VMP1: variants seen among roughly 807,000 people sequenced by gnomAD.
VMP1 encodes ectopic P-granules autophagy protein 3 homolog.
VMP1 carries 11 observed loss-of-function variants against 56.0 expected under a neutral mutation model. That is an observed-to-expected ratio of 0.20 (90% CI 0.12 to 0.32). The LOEUF (loss-of-function observed/expected upper bound fraction) is 0.32, where lower values mean the gene tolerates loss of function less well. Ranked by LOEUF, VMP1 falls within the 10% of genes least tolerant of loss-of-function variation. The probability of loss-of-function intolerance (pLI) is 1.00; values close to 1 mark genes in which losing one functional copy is unlikely to be tolerated. For missense variants in VMP1, 296 were observed against 490.3 expected, an observed-to-expected ratio of 0.60 and a Z score of 3.74; for synonymous variants, 149 against 165.0, an observed-to-expected ratio of 0.90 and a Z score of 0.74.
chr17:59,767,933 A>T (rs778878486), intron 6 of VMP1, among the ~76,000 whole-genome samples: 1 of 151,768 alleles, frequency 6.6e-6, no homozygotes, highest in Non-Finnish European at 1.5e-5. Flanking sequence ...ACATGGTGAA[A>T]CCCCATCTCT....
chr17:59,764,752 C>A (rs928185862), intron 5 of VMP1, among the ~76,000 whole-genome samples: 2 of 152,002 alleles, frequency 1.3e-5, no homozygotes, highest in African/African-American at 4.8e-5. Context: ...GTAAATTTTA[C>A]CTCAATAAAT....
chr17:59,756,733 T>G (rs753230851), intron 5 of VMP1, among the ~76,000 whole-genome samples: 5 of 152,242 alleles, frequency 3.3e-5, no homozygotes, highest in Non-Finnish European at 5.9e-5. Flanking sequence ...GTAGTCTTCA[T>G]CTCGGTTGAT....
chr17:59,769,472 T>G (rs190348827), intron 6 of VMP1, among the ~76,000 whole-genome samples: 1 of 152,196 alleles, frequency 6.6e-6, no homozygotes, highest in Admixed American at 6.5e-5. Context: ...ACAAAATGTT[T>G]TTTCCCTACC....
At chr17:59,819,248 A>G (rs1478513041) in intron 10 of VMP1, among the ~76,000 whole-genome samples, 2 of 152,182 alleles carry the variant, frequency 1.3e-5, no homozygotes, top group Admixed American at 1.3e-4. Flanking sequence ...AAAGTATTTT[A>G]TATGTGACCA....
chr17:59,722,706 T>C (rs888417423), intron 1 of VMP1, among the ~76,000 whole-genome samples: 1 of 152,126 alleles, frequency 6.6e-6, no homozygotes, highest in Non-Finnish European at 1.5e-5. Context: ...TAGCCGGGCA[T>C]GGGGGTACAT....
rs2039172255 is a variant in VMP1, at chr17:59,842,038, C to A, written c.*2127C>A. 1 of 152,178 alleles carries A rather than the reference C, an allele frequency of 6.6e-6. No individual in the cohort carries two copies. The highest frequency in any genetic ancestry group is 2.4e-5 in the African/African-American group (1 of 41,430). 9.4% of individuals were successfully genotyped at this position (152,178 alleles called of 1,614,324 possible). A position where few individuals can be genotyped will look rare whatever the true frequency, so the allele number is the denominator to read the frequency against. On this transcript the variant is annotated 3_prime_UTR_variant, in exon 12 of 12. Transcript: ENST00000262291. ...TCAGCTGTGGCATGCTCAGAGGTTCCTGCTGGATTCCAGCTGGAGCGGTGT... is the reference window on the plus strand; with the variant it reads ...TCAGCTGTGGCATGCTCAGAGGTTCATGCTGGATTCCAGCTGGAGCGGTGT...
At chr17:59,738,800 G>A (rs2035106157) in intron 4 of VMP1, 37 bp from the exon 5 acceptor site, 4 of 1,406,808 alleles carry the variant, frequency 2.8e-6, no homozygotes, top group Middle Eastern at 3.6e-4. Context: ...TTTCTGTATA[G>A]AGAATTCACG....
At chr17:59,826,114 C>T (rs1047065096) in intron 10 of VMP1, among the ~76,000 whole-genome samples, 1 of 152,168 alleles carries the variant, frequency 6.6e-6, no homozygotes, top group Non-Finnish European at 1.5e-5. Context: ...CCCCAGCTGC[C>T]GAGACTCAGT....
At chr17:59,814,042 G>A (rs1442932924) in intron 9 of VMP1, among the ~76,000 whole-genome samples, 5 of 152,112 alleles carry the variant, frequency 3.3e-5, no homozygotes, top group Admixed American at 1.3e-4. Context: ...GTGTGGTGGC[G>A]TGATTTCAGC....
intron 10 of VMP1, among the ~76,000 whole-genome samples, chr17:59,824,495 C>T (rs1167009564): frequency 6.6e-6 from 1 of 151,150 alleles, no homozygotes; most frequent in African/African-American, 2.4e-5. Context: ...ATCACTTGAA[C>T]CCGGGAGGTG....
chr17:59,824,971 A>G (rs1378604086), intron 10 of VMP1, among the ~76,000 whole-genome samples: 2 of 151,616 alleles, frequency 1.3e-5, no homozygotes, highest in African/African-American at 4.8e-5. Context: ...TTGAATTCTC[A>G]GGAATTTGAG....
rs2039133885 is a variant in VMP1, at chr17:59,840,834, A to G, written c.*923A>G. 6.5e-6 allele frequency: 1 copy of G among 152,794 alleles called. No homozygotes were observed. Among genetic ancestry groups the G allele is most frequent in the Non-Finnish European group, 1.5e-5 (1 of 68,428 alleles). 9.5% of individuals were successfully genotyped at this position (152,794 alleles called of 1,614,324 possible). ...TTTGTGAAAACAGGAGAGGAGAAAT[A>G]TCTCATACAAGTGAAAGGATACTGG... On this transcript the variant is annotated 3_prime_UTR_variant, in exon 12 of 12. Transcript: ENST00000262291.
intron 5 of VMP1, among the ~76,000 whole-genome samples, chr17:59,758,419 T>C (rs1033995778): frequency 3.3e-5 from 5 of 152,206 alleles, no homozygotes; most frequent in African/African-American, 7.2e-5. Flanking sequence ...CCAGGCATGG[T>C]GGCTCACCTC....
intron 7 of VMP1, among the ~76,000 whole-genome samples, chr17:59,781,068 G>T (rs2036806257): frequency 6.6e-6 from 1 of 152,132 alleles, no homozygotes; most frequent in Non-Finnish European, 1.5e-5. Flanking sequence ...CAGTTGAAGG[G>T]GTGAGGGAGA....
intron 5 of VMP1, among the ~76,000 whole-genome samples, chr17:59,739,321 C>T (rs1452999022): frequency 6.6e-6 from 1 of 152,222 alleles, no homozygotes; most frequent in Admixed American, 6.5e-5. Flanking sequence ...CCTCTAACAT[C>T]ATTTACATAC....
chr17:59,739,717 C>A (rs1356913172), intron 5 of VMP1, among the ~76,000 whole-genome samples: 2 of 95,938 alleles, frequency 2.1e-5, no homozygotes, highest in Non-Finnish European at 3.9e-5. Context: ...GAGCAAGACT[C>A]TGTCTCAAAA....
At chr17:59,825,468 A>C (rs1004390124) in intron 10 of VMP1, among the ~76,000 whole-genome samples, 29 of 152,280 alleles carry the variant, frequency 1.9e-4, no homozygotes, top group African/African-American at 6.7e-4. Flanking sequence ...AAAGAGCATA[A>C]CCAAATCTAA....
chr17:59,810,164 C>A (rs2038006680), intron 8 of VMP1, among the ~76,000 whole-genome samples: 1 of 151,662 alleles, frequency 6.6e-6, no homozygotes, highest in African/African-American at 2.4e-5. Flanking sequence ...GTTTGTTTTT[C>A]TTTTTTTGAG....
intron 5 of VMP1, among the ~76,000 whole-genome samples, chr17:59,745,757 C>T (rs1164947245): frequency 6.6e-6 from 1 of 152,074 alleles, no homozygotes; most frequent in Non-Finnish European, 1.5e-5. Flanking sequence ...TATAACTAAC[C>T]CTCAACAAAG....
Sources: allele counts gnomAD v4.1 joint callset (sites outside exome capture counted in the v4.1 genomes callset), GRCh38; gene constraint gnomAD v4.1.1; transcripts MANE v1.5; gene names NCBI Gene and HGNC (gene_info 2026-07-23, HGNC 2026-07-21).